Variants in PCNX2 observed in about 807,000 individuals in gnomAD.
The protein encoded by PCNX2 is pecanex 2, also known as pecanex-like protein 2.
Under a neutral mutation model 223.8 loss-of-function variants are expected in PCNX2, and 168 were observed. The ratio of observed to expected loss-of-function variants is 0.75; its 90% CI spans 0.66 to 0.85. The LOEUF is 0.85. Among genes scored for constraint, PCNX2 ranks in the 40% least tolerant of loss-of-function variants. The pLI is 0.00. For synonymous variants in PCNX2, 1,006 were observed against 1,052.6 expected (o/e 0.96, Z 0.86); for missense variants, 2,507 against 2,675.5 (o/e 0.94, Z 1.39).
intron 12 of PCNX2, among the ~76,000 whole-genome samples, chr1:233,216,760 G>T (rs1417655291): frequency 6.6e-6 from 1 of 152,090 alleles, no homozygotes; most frequent in Non-Finnish European, 1.5e-5. Context: ...GCATCACCAT[G>T]TTCATTGCAA....
Position 233,001,711 on chromosome 1 carries a change from C to T in PCNX2, c.4953-30G>A. On this transcript the variant is annotated intron_variant, in intron 28 of 33. Transcript: ENST00000258229. The surrounding 1 kb of genome is among the most constrained non-coding windows in gnomAD (Gnocchi z 4.2). ...AAAACAAAGTCCTATTACTATGGAA[C>T]AAATTTCAGAATCCTGTCATTGTGA... 1 of 1,501,782 alleles carries T rather than the reference C, an allele frequency of 6.7e-7. No individual in the cohort carries two copies. The highest frequency in any genetic ancestry group is 9.0e-7 in the Non-Finnish European group (1 of 1,116,584). 93.0% of individuals were successfully genotyped at this position (1,501,782 alleles called of 1,614,324 possible).
At chr1:233,095,912 G>A in intron 21 of PCNX2, 49 bp from the exon 22 acceptor site, 1 of 1,354,640 alleles carries the variant, frequency 7.4e-7, no homozygotes, top group African/African-American at 1.5e-5. Flanking sequence ...TGACAACAGT[G>A]GTAACTGCAT....
chr1:233,111,189 T>A (rs1204549066), intron 21 of PCNX2, among the ~76,000 whole-genome samples: 3 of 152,106 alleles, frequency 2.0e-5, no homozygotes, highest in African/African-American at 7.2e-5. Context: ...TGATGCTAGG[T>A]CTGCCTCTTA....
intron 25 of PCNX2, among the ~76,000 whole-genome samples, chr1:233,034,106 G>A (rs944451244): frequency 6.6e-6 from 1 of 152,122 alleles, no homozygotes; most frequent in Admixed American, 6.5e-5. Flanking sequence ...CAGCTTCTTG[G>A]GGGGCTGAGG....
intron 8 of PCNX2, among the ~76,000 whole-genome samples, chr1:233,249,249 TG>T (rs973464920): frequency 6.6e-6 from 1 of 152,182 alleles, no homozygotes; most frequent in Admixed American, 6.5e-5. Flanking sequence ...ATATTTATCC[TG>T]GGGGGAAAAA....
chr1:233,134,925 TAAAGAA>T, intron 21 of PCNX2, 82 bp downstream of exon 21: 1 of 1,162,554 alleles, frequency 8.6e-7, no homozygotes, highest in Non-Finnish European at 1.2e-6. Context: ...ATTTTTTTTA[TAAAGAA>T]TAAGTTTTAA....
intron 13 of PCNX2, among the ~76,000 whole-genome samples, chr1:233,203,238 A>G (rs1456047831): frequency 6.6e-6 from 1 of 152,118 alleles, no homozygotes; most frequent in East Asian, 1.9e-4. Context: ...GCTCCTTTTG[A>G]AATATGGTAC....
At chr1:233,285,021 C>G in intron 1 of PCNX2, 1 of 985,162 alleles carries the variant, frequency 1.0e-6, no homozygotes. Context: ...TAACCATACC[C>G]CTGACATCCC....
At chr1:233,162,526 T>C (rs1209101437) in intron 17 of PCNX2, among the ~76,000 whole-genome samples, 1 of 152,220 alleles carries the variant, frequency 6.6e-6, no homozygotes, top group Non-Finnish European at 1.5e-5. Context: ...GATTTATTCA[T>C]AGTAATTAAT....
At chr1:233,046,668 C>T (rs546482247) in intron 25 of PCNX2, among the ~76,000 whole-genome samples, 2 of 152,282 alleles carry the variant, frequency 1.3e-5, no homozygotes, top group East Asian at 3.9e-4. Context: ...GAAGGGATAT[C>T]AATGAGCAAT....
At chr1:233,130,507 T>C (rs58959547) in intron 21 of PCNX2, among the ~76,000 whole-genome samples, 4,454 of 77,998 alleles carry the variant, frequency 0.057, 74 homozygotes, top group East Asian at 0.11. Flanking sequence ...GTGTGTGTGA[T>C]GGAGTCTTGC....
chr1:233,309,538 C>CAAAAAAA, the PCNX2 span, among the ~76,000 whole-genome samples: 3 of 141,526 alleles, frequency 2.1e-5, no homozygotes, highest in Non-Finnish European at 4.6e-5. Flanking sequence ...GAGACTCCCT[C>CAAAAAAA]AAAAAAATAA....
rs1659904181 is a variant in PCNX2 at position 233,259,090 on chromosome 1, G to A, written c.772C>T (p.His258Tyr). The change falls in exon 5 of 34, where the codon CAC becomes TAC. Residue 258 changes from histidine (H) to tyrosine (Y), a missense_variant. His to Tyr is a moderately conservative substitution (Grantham distance 83). Coordinates refer to ENST00000258229, the MANE Select transcript of PCNX2 (RefSeq NM_014801.4). Reference sequence around the variant, plus strand: ...AAGTCATACTGAGACAAAGACAGGTGGGGCAACTTCTTCAAGGGTCCCTTA... The same window carrying A: ...AAGTCATACTGAGACAAAGACAGGTAGGGCAACTTCTTCAAGGGTCCCTTA... The part of the protein sequence containing the change: ...VDKGPLKKLP[H>Y]LSLSQYDLLE... 2 of 1,613,958 alleles carry A rather than the reference G, an allele frequency of 1.2e-6. No homozygotes were observed.
rs367580202 is a variant in PCNX2 at position 233,261,360 on chromosome 1, A to T, written c.481-39T>A. 13 of 1,597,634 alleles carry T rather than the reference A, an allele frequency of 8.1e-6. No individual in the cohort carries two copies. In the African/African-American group the frequency reaches 1.5e-4, roughly 18 times the overall value. On this transcript the variant is annotated intron_variant, in intron 3 of 33. Coordinates refer to ENST00000258229, the MANE Select transcript of PCNX2 (RefSeq NM_014801.4). Reference sequence around the variant, plus strand: ...AGAAACAAAAATCAATAGATGACTCAGCTGACCGTCCATTTCCAGACAGTC... The same window carrying T: ...AGAAACAAAAATCAATAGATGACTCTGCTGACCGTCCATTTCCAGACAGTC...
intron 10 of PCNX2, among the ~76,000 whole-genome samples, chr1:233,223,049 T>G (rs1657485997): frequency 6.6e-6 from 1 of 152,110 alleles, no homozygotes; most frequent in Admixed American, 6.5e-5. Context: ...ACCAAGAGCT[T>G]TGCAGCCACT....
chr1:233,002,722 G>A (rs575243851), intron 28 of PCNX2, among the ~76,000 whole-genome samples: 6 of 152,122 alleles, frequency 3.9e-5, no homozygotes, highest in Non-Finnish European at 8.8e-5. Flanking sequence ...AAAGAACAAA[G>A]CTGGAGGCAT....
At chr1:233,096,147 T>C (rs896656520) in intron 21 of PCNX2, among the ~76,000 whole-genome samples, 1 of 152,212 alleles carries the variant, frequency 6.6e-6, no homozygotes, top group Non-Finnish European at 1.5e-5. Flanking sequence ...AGAAGAACAA[T>C]CACACCTTGG....
upstream of PCNX2, among the ~76,000 whole-genome samples, chr1:233,296,285 C>T (rs184788495): frequency 1.3e-5 from 2 of 152,208 alleles, no homozygotes; most frequent in African/African-American, 4.8e-5. Flanking sequence ...TGCCACTGAT[C>T]TTCTGTCCTC....
At chr1:233,190,292 CACGG>C (rs1680345356) in intron 15 of PCNX2, among the ~76,000 whole-genome samples, 1 of 152,104 alleles carries the variant, frequency 6.6e-6, no homozygotes, top group African/African-American at 2.4e-5. Context: ...GAAGTAGAAT[CACGG>C]CTCTGGGTAA....
Sources: gnomAD v4.1 joint callset for allele counts (sites outside exome capture counted in the v4.1 genomes callset) on GRCh38, gnomAD v4.1.1 for gene constraint, Gnocchi (gnomAD v3.1) non-coding constraint, MANE v1.5 for transcripts, NCBI Gene and HGNC (gene_info 2026-07-23, HGNC 2026-07-21) for gene names.